Variants in CRB1 observed in about 807,000 individuals in gnomAD.
CRB1 encodes the protein protein crumbs homolog 1.
Under a neutral mutation model 120.0 loss-of-function variants are expected in CRB1, and 83 were observed. The observed-to-expected ratio is 0.69, with a 90% CI of 0.58 to 0.83. CRB1 has a LOEUF of 0.83. Among genes scored for constraint, CRB1 ranks in the 40% least tolerant of loss-of-function variants. The pLI is 0.00. For synonymous variants in CRB1, 625 were observed against 612.5 expected (o/e 1.02, Z -0.30); for missense variants, 1,699 against 1,687.6 (o/e 1.01, Z -0.12).
At chr1:197,320,498 A>G (rs1286047991) in intron 1 of CRB1, among the ~76,000 whole-genome samples, 4 of 152,218 alleles carry the variant, frequency 2.6e-5, no homozygotes, top group African/African-American at 9.6e-5. Context: ...CCTCCATTTC[A>G]TACATAAGCA....
rs148865280 is a variant in CRB1, at chr1:197,421,160, C to T, written c.1332C>T (p.Gly444=). The T allele has an allele frequency of 1.4e-5, 23 of 1,614,198 alleles. No individual in the cohort carries two copies. The African/African-American group carries it at 3.1e-4, about 22-fold the overall frequency. The change falls in exon 6 of 12, where the codon GGC becomes GGT. Residue 444 remains glycine, a synonymous_variant. Transcript: ENST00000367400. The stretch of plus-strand genomic sequence containing the variant: ...GGGACTGTTCTGATATTCTCCTGGG[C>T]TGTACCCATCAGCAATGTCTAAATA... ...GGRDCSDILL[G]CTHQQCLNNG...
At chr1:197,353,474 T>C (rs968566578) in intron 4 of CRB1, among the ~76,000 whole-genome samples, 15 of 152,342 alleles carry the variant, frequency 9.8e-5, no homozygotes, top group South Asian at 6.2e-4. Flanking sequence ...TTAAATGATA[T>C]TGCAAAGGGC....
chr1:197,388,089 T>A (rs1356456717), intron 5 of CRB1, among the ~76,000 whole-genome samples: 1 of 152,048 alleles, frequency 6.6e-6, no homozygotes, highest in Non-Finnish European at 1.5e-5. Flanking sequence ...ATATTCCTCC[T>A]TATGGATTTG....
intron 5 of CRB1, among the ~76,000 whole-genome samples, chr1:197,382,636 C>A (rs193277513): frequency 2.0e-5 from 3 of 152,230 alleles, no homozygotes; most frequent in Admixed American, 2.0e-4. Flanking sequence ...CCACCAGAAG[C>A]TGCAAAATAG....
chr1:197,405,827 G>A (rs1375484322), intron 5 of CRB1, among the ~76,000 whole-genome samples: 5 of 151,644 alleles, frequency 3.3e-5, no homozygotes, highest in Non-Finnish European at 5.9e-5. Flanking sequence ...GAAGTGAGGA[G>A]CCCCTCCACC....
intron 2 of CRB1, 122 bp from the exon 3 acceptor site, chr1:197,344,159 A>G (rs894481273): frequency 6.0e-6 from 6 of 994,848 alleles, no homozygotes; most frequent in Admixed American, 1.7e-5. Context: ...TAAGGGGGAA[A>G]GTTATTTTGG....
At chr1:197,462,922 T>A (rs551992383) in intron 11 of CRB1, among the ~76,000 whole-genome samples, 7 of 151,684 alleles carry the variant, frequency 4.6e-5, no homozygotes, top group Non-Finnish European at 7.4e-5. Context: ...ATATTTACAG[T>A]TGGAAGCAAA....
At chr1:197,224,125 T>G in the CRB1 span, among the ~76,000 whole-genome samples, 1 of 149,080 alleles carries the variant, frequency 6.7e-6, no homozygotes, top group Non-Finnish European at 1.5e-5. Flanking sequence ...TCTTTAAAGC[T>G]CTTGTACCGA....
chr1:197,330,894 A>T (rs927972481), intron 2 of CRB1, among the ~76,000 whole-genome samples: 6 of 152,144 alleles, frequency 3.9e-5, no homozygotes, highest in African/African-American at 1.4e-4. Flanking sequence ...CAGTTAGTGG[A>T]TTAAGAAGAG....
At chr1:197,382,534 T>G (rs1357560180) in intron 5 of CRB1, among the ~76,000 whole-genome samples, 1 of 152,190 alleles carries the variant, frequency 6.6e-6, no homozygotes, top group East Asian at 1.9e-4. Context: ...ACTATAATAA[T>G]TATTCAAAGA....
intron 1 of CRB1, among the ~76,000 whole-genome samples, chr1:197,310,191 G>T (rs1182829146): frequency 6.6e-6 from 1 of 152,062 alleles, no homozygotes; most frequent in Non-Finnish European, 1.5e-5. Flanking sequence ...TTAAATTTTC[G>T]AGGTCAAAGT....
intron 1 of CRB1, among the ~76,000 whole-genome samples, chr1:197,303,989 TA>T (rs1657027111): frequency 6.6e-6 from 1 of 152,006 alleles, no homozygotes; most frequent in African/African-American, 2.4e-5. Context: ...CGCCATCTCT[TA>T]AAAAAATAAA....
At chr1:197,261,237 G>A in the CRB1 span, among the ~76,000 whole-genome samples, 3 of 152,094 alleles carry the variant, frequency 2.0e-5, no homozygotes, top group Non-Finnish European at 2.9e-5. Context: ...CAAAATTTCT[G>A]TATTTGCCTA....
chr1:197,369,266 T>C (rs1489785494), intron 5 of CRB1, among the ~76,000 whole-genome samples: 1 of 152,136 alleles, frequency 6.6e-6, no homozygotes, highest in Non-Finnish European at 1.5e-5. Flanking sequence ...ATAGCTCTTT[T>C]CCCAATGTCT....
At chr1:197,404,443 A>G (rs935257892) in intron 5 of CRB1, among the ~76,000 whole-genome samples, 51 of 70,234 alleles carry the variant, frequency 7.3e-4, no homozygotes, top group African/African-American at 2.9e-3. Flanking sequence ...CTCCGTCTCA[A>G]AAAAAAAAAA....
At chr1:197,385,759 G>C (rs1391977411) in intron 5 of CRB1, among the ~76,000 whole-genome samples, 1 of 152,006 alleles carries the variant, frequency 6.6e-6, no homozygotes, top group African/African-American at 2.4e-5. Context: ...AGAGCTCCTA[G>C]AGCTGACATT....
At chr1:197,330,166 C>G (rs144275840) in intron 2 of CRB1, among the ~76,000 whole-genome samples, 94 of 152,184 alleles carry the variant, frequency 6.2e-4, no homozygotes, top group African/African-American at 2.0e-3. Context: ...TTCCCCTCTC[C>G]CTCCTCCTTT....
At chr1:197,233,158 A>G in the CRB1 span, among the ~76,000 whole-genome samples, 1 of 152,142 alleles carries the variant, frequency 6.6e-6, no homozygotes, top group Admixed American at 6.6e-5. Flanking sequence ...ACAATATTCC[A>G]TGTCAAGAAT....
chr1:197,392,734 C>T (rs1051740277), intron 5 of CRB1, among the ~76,000 whole-genome samples: 7 of 152,062 alleles, frequency 4.6e-5, no homozygotes, highest in Non-Finnish European at 8.8e-5. Flanking sequence ...TAAAATACAA[C>T]ACTAAAAATA....
Sources: gnomAD v4.1 joint callset for allele counts (sites outside exome capture counted in the v4.1 genomes callset) on GRCh38, gnomAD v4.1.1 for gene constraint, MANE v1.5 for transcripts, NCBI Gene and HGNC (gene_info 2026-07-23, HGNC 2026-07-21) for gene names.